Variants in ARHGEF3 observed in about 807,000 individuals in gnomAD.
ARHGEF3 encodes Rho guanine nucleotide exchange factor 3.
A neutral mutation model predicts 63.2 loss-of-function variants in ARHGEF3; 28 were observed. The observed-to-expected ratio is 0.44, with a 90% CI of 0.33 to 0.61. ARHGEF3 has a LOEUF of 0.61. ARHGEF3 is among the 20% of genes least tolerant of loss of function. The pLI, the probability that ARHGEF3 is intolerant of heterozygous loss-of-function variation, is 0.03. For missense variants in ARHGEF3, 533 were observed against 659.3 expected (o/e 0.81, Z 2.10); for synonymous variants, 266 against 254.2 (o/e 1.05, Z -0.44).
chr3:57,014,216 T>G (rs968205733), intron 2 of ARHGEF3, among the ~76,000 whole-genome samples: 2 of 152,114 alleles, frequency 1.3e-5, no homozygotes, highest in African/African-American at 4.8e-5. Context: ...TCCAAACACG[T>G]CTGAATATCC....
At chr3:56,961,904 G>C (rs979492568) in intron 2 of ARHGEF3, among the ~76,000 whole-genome samples, 1 of 152,144 alleles carries the variant, frequency 6.6e-6, no homozygotes, top group Non-Finnish European at 1.5e-5. Context: ...AATTAGCTGG[G>C]CATTGTGGTG....
At chr3:56,908,973 C>G (rs980601299) in intron 3 of ARHGEF3, among the ~76,000 whole-genome samples, 21 of 152,290 alleles carry the variant, frequency 1.4e-4, no homozygotes, top group African/African-American at 5.1e-4. Flanking sequence ...AAGGTATCAT[C>G]AACACTATCA....
intron 3 of ARHGEF3, chr3:56,958,778 A>G: frequency 6.6e-7 from 1 of 1,519,510 alleles, no homozygotes; most frequent in South Asian, 1.2e-5. Flanking sequence ...GCATGTATCC[A>G]TAATAGGACA....
intron 1 of ARHGEF3, among the ~76,000 whole-genome samples, chr3:56,783,768 A>G (rs2036668823): frequency 6.6e-6 from 1 of 152,200 alleles, no homozygotes; most frequent in African/African-American, 2.4e-5. Flanking sequence ...ATAACTTTCA[A>G]AGTTACTCGT....
intron 3 of ARHGEF3, among the ~76,000 whole-genome samples, chr3:56,912,187 A>G (rs1216996967): frequency 1.3e-5 from 2 of 152,200 alleles, no homozygotes; most frequent in Non-Finnish European, 1.5e-5. Flanking sequence ...AGATATTTGC[A>G]TACTTTAGAT....
At chr3:57,046,467 T>C (rs1173434412) in intron 1 of ARHGEF3, among the ~76,000 whole-genome samples, 1 of 152,188 alleles carries the variant, frequency 6.6e-6, no homozygotes, top group Non-Finnish European at 1.5e-5. Context: ...GACCCAAATG[T>C]CAGCTGAGAA....
intron 3 of ARHGEF3, among the ~76,000 whole-genome samples, chr3:56,897,998 G>A (rs2041365996): frequency 6.6e-6 from 1 of 151,848 alleles, no homozygotes; most frequent in Non-Finnish European, 1.5e-5. Flanking sequence ...TCCCACCTTG[G>A]CCTCCCAAGT....
At chr3:56,967,283 T>C (rs1578975395) in intron 2 of ARHGEF3, among the ~76,000 whole-genome samples, 1 of 122,752 alleles carries the variant, frequency 8.1e-6, no homozygotes, top group African/African-American at 3.2e-5. Flanking sequence ...TAATATTATA[T>C]TATATATTAT....
intron 1 of ARHGEF3, among the ~76,000 whole-genome samples, chr3:56,786,429 G>A (rs776648325): frequency 6.6e-6 from 1 of 152,170 alleles, no homozygotes; most frequent in Non-Finnish European, 1.5e-5. Context: ...CAGATGAATA[G>A]CTTCAAAATG....
intron 1 of ARHGEF3, among the ~76,000 whole-genome samples, chr3:56,785,167 C>G (rs2036742857): frequency 6.6e-6 from 1 of 152,174 alleles, no homozygotes; most frequent in Non-Finnish European, 1.5e-5. Flanking sequence ...GCTCTGGCCA[C>G]TGAGGCTGCT....
chr3:57,060,185 G>C (rs923019287), intron 1 of ARHGEF3, among the ~76,000 whole-genome samples: 2 of 151,122 alleles, frequency 1.3e-5, no homozygotes, highest in Non-Finnish European at 2.9e-5. Context: ...CTGGGTGTGT[G>C]ACATGTACCT....
At chr3:56,938,331 G>A in intron 3 of ARHGEF3, among the ~76,000 whole-genome samples, 1 of 152,306 alleles carries the variant, frequency 6.6e-6, no homozygotes, top group East Asian at 1.9e-4. Flanking sequence ...TGGGCCCCAT[G>A]CAATCAAGAT....
chr3:56,811,572 G>A (rs779905680), intron 4 of ARHGEF3, among the ~76,000 whole-genome samples: 1 of 152,168 alleles, frequency 6.6e-6, no homozygotes, highest in East Asian at 1.9e-4. Context: ...CTTCACAAAG[G>A]GGCTAGTTGG....
At chr3:56,814,746 C>A (rs60204928) in intron 4 of ARHGEF3, among the ~76,000 whole-genome samples, 20,853 of 151,880 alleles carry the variant, frequency 0.14, 1,848 homozygotes, top group African/African-American at 0.25. Context: ...GACATTAATT[C>A]TTTGATTTAA....
chr3:56,958,766 G>C, intron 3 of ARHGEF3: 1 of 1,500,218 alleles, frequency 6.7e-7, no homozygotes, highest in Non-Finnish European at 9.1e-7. Flanking sequence ...CTGGAGGCCA[G>C]AGCATGTATC....
At chr3:56,881,143 A>G (rs1560017464) in intron 4 of ARHGEF3, among the ~76,000 whole-genome samples, 1 of 152,166 alleles carries the variant, frequency 6.6e-6, no homozygotes, top group African/African-American at 2.4e-5. Context: ...GATCCCAAAC[A>G]TTTTTTCTTT....
chr3:57,021,517 G>C (rs1256211276), intron 2 of ARHGEF3, among the ~76,000 whole-genome samples: 1 of 152,052 alleles, frequency 6.6e-6, no homozygotes, highest in Non-Finnish European at 1.5e-5. Context: ...CAGCACTTTG[G>C]GAGGCCGAGG....
chr3:56,916,187 A>G, intron 3 of ARHGEF3: 1 of 1,292,168 alleles, frequency 7.7e-7, no homozygotes, highest in South Asian at 1.6e-5. Context: ...CTCCCTGATC[A>G]GTTTCTTGGA....
At chr3:56,804,898 C>G (rs1251757249), upstream of ARHGEF3, among the ~76,000 whole-genome samples, 1 of 152,174 alleles carries the variant, frequency 6.6e-6, no homozygotes, top group Non-Finnish European at 1.5e-5. Flanking sequence ...CAGTGACATG[C>G]GTCACTCAGG....
Sources: allele counts gnomAD v4.1 joint callset (sites outside exome capture counted in the v4.1 genomes callset), GRCh38; gene constraint gnomAD v4.1.1; transcripts MANE v1.5; gene names NCBI Gene and HGNC (gene_info 2026-07-23, HGNC 2026-07-21).